POLR1D: variants seen among roughly 807,000 people sequenced by gnomAD.
POLR1D encodes RNA polymerase I and III subunit D, also known as DNA-directed RNA polymerases I and III subunit RPAC2.
POLR1D carries 8 observed loss-of-function variants against 10.8 expected under a neutral mutation model. The ratio of observed to expected loss-of-function variants is 0.74; its 90% CI spans 0.43 to 1.33. The LOEUF (loss-of-function observed/expected upper bound fraction) is 1.33. Among genes scored for constraint, POLR1D ranks in the 40% most tolerant of loss-of-function variants. The probability of loss-of-function intolerance (pLI) is 0.01; values close to 1 mark genes in which losing one functional copy is unlikely to be tolerated. For missense variants in POLR1D, 152 were observed against 161.7 expected (o/e 0.94, Z 0.32); for synonymous variants, 54 against 57.2 (o/e 0.94, Z 0.25).
chr13:27,641,150 C>T (rs1439973584), intron 1 of POLR1D, among the ~76,000 whole-genome samples: 2 of 152,150 alleles, frequency 1.3e-5, no homozygotes, highest in African/African-American at 4.8e-5. Flanking sequence ...AAAAAAGGGG[C>T]ACTGCATTTT....
intron 2 of POLR1D, among the ~76,000 whole-genome samples, chr13:27,656,445 CTGCTATTTT>C (rs1181641462): frequency 6.1e-4 from 93 of 152,308 alleles, no homozygotes; most frequent in African/African-American, 2.0e-3. Flanking sequence ...GAGCTAGGCT[CTGCTATTTT>C]GACACTCATG....
intron 2 of POLR1D, chr13:27,650,317 C>T (rs1956255213): frequency 2.8e-6 from 1 of 359,088 alleles, no homozygotes; most frequent in East Asian, 3.9e-5. Context: ...AGCAAGGAAG[C>T]TCACCTGAGC....
chr13:27,629,293 G>A (rs1415215238), intron 1 of POLR1D, among the ~76,000 whole-genome samples: 2 of 152,172 alleles, frequency 1.3e-5, no homozygotes, highest in Non-Finnish European at 2.9e-5. Context: ...TGTGACCTTG[G>A]ACATACTGTT....
At chr13:27,635,922 T>A (rs907907343) in intron 1 of POLR1D, among the ~76,000 whole-genome samples, 3 of 152,024 alleles carry the variant, frequency 2.0e-5, no homozygotes, top group African/African-American at 7.2e-5. Flanking sequence ...TAAGGTTACT[T>A]GATGGTGTCC....
At chr13:27,643,740 G>A (rs1413346621) in intron 1 of POLR1D, among the ~76,000 whole-genome samples, 2 of 152,088 alleles carry the variant, frequency 1.3e-5, no homozygotes, top group African/African-American at 2.4e-5. Context: ...TCTTTTACAC[G>A]TATGTGGACG....
intron 2 of POLR1D, among the ~76,000 whole-genome samples, chr13:27,653,142 C>T (rs1021291104): frequency 1.9e-4 from 29 of 149,548 alleles, no homozygotes; most frequent in African/African-American, 6.5e-4. Flanking sequence ...ACCTAGTGAT[C>T]GCCTGCCTTG....
At chr13:27,621,860 C>T (rs537150165), upstream of POLR1D, 402 of 1,020,748 alleles carry the variant, frequency 3.9e-4, 4 homozygotes, top group South Asian at 4.4e-3. Flanking sequence ...CCTCCTCCCT[C>T]CTTCCGTCCT....
At chr13:27,625,756 TA>T (rs1237792920), downstream of POLR1D, among the ~76,000 whole-genome samples, 2 of 151,886 alleles carry the variant, frequency 1.3e-5, no homozygotes, top group Admixed American at 1.3e-4. Context: ...GAGTTAAAGA[TA>T]AGAGTATTTG....
At chr13:27,642,540 A>C (rs1956184180) in intron 1 of POLR1D, among the ~76,000 whole-genome samples, 1 of 151,926 alleles carries the variant, frequency 6.6e-6, no homozygotes, top group South Asian at 2.1e-4. Context: ...ACCCATCATC[A>C]TCTATTCTGT....
chr13:27,664,876 A>G (rs1956399787), intron 2 of POLR1D: 1 of 152,256 alleles, frequency 6.6e-6, no homozygotes, highest in Admixed American at 6.5e-5. Flanking sequence ...TATGGCAGAC[A>G]CCTCAAGGCT....
chr13:27,665,635 G>C (rs879453877), intron 2 of POLR1D: 2 of 1,548,860 alleles, frequency 1.3e-6, no homozygotes, highest in Non-Finnish European at 1.8e-6. Context: ...TCCAGCTTTG[G>C]AGTTAACCAT....
chr13:27,639,321 CTG>C (rs1298392992), intron 1 of POLR1D, among the ~76,000 whole-genome samples: 7 of 152,266 alleles, frequency 4.6e-5, no homozygotes, highest in Admixed American at 4.6e-4. Flanking sequence ...AGAGCATAGA[CTG>C]TAATATTTTT....
At chr13:27,659,094 C>T (rs1283787599) in intron 2 of POLR1D, among the ~76,000 whole-genome samples, 1 of 152,168 alleles carries the variant, frequency 6.6e-6, no homozygotes, top group East Asian at 1.9e-4. Flanking sequence ...AGTCACCCAT[C>T]TTGTTCTTCC....
intron 1 of POLR1D, among the ~76,000 whole-genome samples, chr13:27,640,504 T>C (rs1956163521): frequency 6.6e-6 from 1 of 151,862 alleles, no homozygotes; most frequent in Non-Finnish European, 1.5e-5. Context: ...TAAGAAAATA[T>C]TGTTTCCCAC....
intron 2 of POLR1D, chr13:27,664,983 G>A (rs1956401065): frequency 6.6e-6 from 1 of 152,506 alleles, no homozygotes; most frequent in South Asian, 2.1e-4. Context: ...TATATAAGTA[G>A]ATCTAAGCAC....
At chr13:27,667,335 A>G (rs185831294) in exon 3 of POLR1D, 1 of 152,356 alleles carries the variant, frequency 6.6e-6, no homozygotes, top group Admixed American at 6.5e-5. Context: ...TTTTTATTTA[A>G]ATATTAGAAA....
chr13:27,656,766 A>G (rs182293265), intron 2 of POLR1D, among the ~76,000 whole-genome samples: 1 of 152,270 alleles, frequency 6.6e-6, no homozygotes, highest in East Asian at 1.9e-4. Context: ...TCTTTCATAG[A>G]ACTTAATAAA....
chr13:27,633,221 G>T (rs1330195725), intron 1 of POLR1D, among the ~76,000 whole-genome samples: 2 of 152,184 alleles, frequency 1.3e-5, no homozygotes, highest in Non-Finnish European at 2.9e-5. Context: ...GAGCTAAGAA[G>T]AATTGGGCAT....
chr13:27,659,065 A>G (rs934308672), intron 2 of POLR1D, among the ~76,000 whole-genome samples: 3 of 152,190 alleles, frequency 2.0e-5, no homozygotes, highest in African/African-American at 7.2e-5. Flanking sequence ...TTGAGAGTCA[A>G]TCTAGAGATA....
Sources: gnomAD v4.1 joint callset for allele counts (sites outside exome capture counted in the v4.1 genomes callset) on GRCh38, gnomAD v4.1.1 for gene constraint, MANE v1.5 for transcripts, NCBI Gene and HGNC (gene_info 2026-07-23, HGNC 2026-07-21) for gene names.